Variants in SIRPA observed in about 807,000 individuals in gnomAD.
SIRPA encodes tyrosine-protein phosphatase non-receptor type substrate 1.
SIRPA carries 9 observed loss-of-function variants against 50.3 expected under a neutral mutation model. The ratio of observed to expected loss-of-function variants is 0.18; its 90% confidence interval spans 0.11 to 0.31. The LOEUF (loss-of-function observed/expected upper bound fraction) is 0.31, where lower values mean the gene tolerates loss of function less well. SIRPA is among the 10% of genes least tolerant of loss of function. SIRPA has a pLI of 1.00. For synonymous variants in SIRPA, 265 were observed against 284.1 expected, an observed-to-expected ratio of 0.93 and a Z score of 0.68; for missense variants, 474 against 661.6, an observed-to-expected ratio of 0.72 and a Z score of 3.11.
At chr20:1,915,008 A>G in intron 1 of SIRPA, 91 bp from the exon 2 acceptor site, 1 of 1,049,692 alleles carries the variant, frequency 9.5e-7, no homozygotes, top group Non-Finnish European at 1.4e-6. Flanking sequence ...TCTGGTGTGC[A>G]TCCAGTCAAT....
intron 1 of SIRPA, among the ~76,000 whole-genome samples, chr20:1,909,706 C>T (rs1469784932): frequency 2.0e-5 from 3 of 152,084 alleles, no homozygotes; most frequent in East Asian, 1.9e-4. Context: ...TGCTTGAACC[C>T]GGGAGGTGGA....
intron 1 of SIRPA, among the ~76,000 whole-genome samples, chr20:1,912,204 C>T (rs981379768): frequency 4.6e-5 from 7 of 152,212 alleles, no homozygotes; most frequent in Non-Finnish European, 7.3e-5. Flanking sequence ...CCTCCGGCTG[C>T]ACCACAAGAA....
chr20:1,934,589 TTA>T lies in SIRPA; in HGVS notation c.1227-124_1227-123del. On this transcript the variant is annotated intron_variant, in intron 6 of 7. Coordinates refer to ENST00000358771, the MANE Select transcript of SIRPA (RefSeq NM_001040023.2). This position sits in a 1 kb window ranked among gnomAD's most constrained non-coding sequence, Gnocchi z 4.6. Reference sequence around the variant, plus strand: ...CATTTGATATGCAGTTGTATTTCTGTTATGAGTCCTTCGTTCATGTCCTCAAC... The same window carrying T: ...CATTTGATATGCAGTTGTATTTCTGTTGAGTCCTTCGTTCATGTCCTCAAC... 1.2e-6 allele frequency: 1 copy of T among 816,124 alleles called. No homozygotes were observed. The highest frequency in any genetic ancestry group is 2.0e-6 in the Non-Finnish European group (1 of 498,598). The allele number at this position is 816,124 out of a possible 1,614,324, so 50.6% of individuals were successfully genotyped here.
At chr20:1,904,036 G>A (rs1302212980) in intron 1 of SIRPA, among the ~76,000 whole-genome samples, 1 of 152,098 alleles carries the variant, frequency 6.6e-6, no homozygotes, top group Non-Finnish European at 1.5e-5. Context: ...GAACAAGGTG[G>A]GTACTAAAAT....
intron 7 of SIRPA, among the ~76,000 whole-genome samples, chr20:1,935,849 T>C (rs184401546): frequency 1.3e-5 from 2 of 151,790 alleles, no homozygotes; most frequent in Non-Finnish European, 2.9e-5. Flanking sequence ...AGGGAGGGAG[T>C]TGCACGCTGT....
At position 1,936,778 on chromosome 20, in the gene SIRPA, C is replaced by G. The variant is rs1568516455; in HGVS notation, c.1267-542C>G. ...CCACACGTACCACCATCAGCAGCACCTCCTCAGGCCCCCAAACAGACATGG... is the reference window on the plus strand; with the variant it reads ...CCACACGTACCACCATCAGCAGCACGTCCTCAGGCCCCCAAACAGACATGG... On this transcript the variant is annotated intron_variant, in intron 7 of 7. Transcript: ENST00000358771. The surrounding 1 kb of genome is among the most constrained non-coding windows in gnomAD (Gnocchi z 4.2). Among the ~76,000 whole-genome samples the G allele has an allele frequency of 6.6e-6, 1 of 152,216 alleles. No homozygotes were observed.
rs760804168 is a variant in SIRPA, at chr20:1,922,611, C to T, written c.1053C>T (p.Ala351=). ...VSKSHDLKVS[A]HPKEQGSNTA... is the part of the protein sequence containing the mutation. ...AAAGCCATGACCTGAAGGTCTCAGC[C>T]CACCCGAAGGAGCAGGGCTCAAATA... The change falls in exon 4 of 8, where the codon GCC becomes GCT. Residue 351 remains alanine, a synonymous_variant. Transcript: ENST00000358771. 10 of 1,613,452 alleles carry T rather than the reference C, an allele frequency of 6.2e-6. No homozygotes were observed. The highest frequency in any genetic ancestry group is 1.6e-4 in the Middle Eastern group (1 of 6,076).
At chr20:1,917,651 C>G (rs904308222) in intron 2 of SIRPA, among the ~76,000 whole-genome samples, 4 of 152,204 alleles carry the variant, frequency 2.6e-5, no homozygotes, top group Admixed American at 6.5e-5. Flanking sequence ...CAGGTCTCAG[C>G]ACATCACTGA....
At chr20:1,931,740 G>T (rs556164127) in intron 6 of SIRPA, among the ~76,000 whole-genome samples, 1 of 152,264 alleles carries the variant, frequency 6.6e-6, no homozygotes, top group African/African-American at 2.4e-5. Context: ...CAGGGCTGGT[G>T]GAGGGATTGG....
chr20:1,899,512 G>A (rs1282841137), intron 1 of SIRPA, among the ~76,000 whole-genome samples: 1 of 152,208 alleles, frequency 6.6e-6, no homozygotes, highest in Non-Finnish European at 1.5e-5. Flanking sequence ...TCTCCGTTTG[G>A]TAAACGGTTT....
intron 1 of SIRPA, among the ~76,000 whole-genome samples, chr20:1,913,191 A>AAGC (rs1985008999): frequency 6.6e-6 from 1 of 152,188 alleles, no homozygotes; most frequent in Non-Finnish European, 1.5e-5. Flanking sequence ...TTTACACCCA[A>AAGC]AGCAGGTGGA....
rs942717267 is a variant in SIRPA, at chr20:1,898,363, G to A, written c.79+2837G>A. On this transcript the variant is annotated intron_variant, in intron 1 of 7. Transcript: ENST00000358771. This position sits in a 1 kb window ranked among gnomAD's most constrained non-coding sequence, Gnocchi z 4.3. Reference sequence around the variant, plus strand: ...ACTTTCTGGCCTTTACCAACCCCTCGGAAACTCACGGTAATTCACGTCTGT... The same window carrying A: ...ACTTTCTGGCCTTTACCAACCCCTCAGAAACTCACGGTAATTCACGTCTGT... 3.9e-5 allele frequency among the ~76,000 whole-genome samples: 6 copies of A among 152,170 alleles called. No individual in the cohort carries two copies. The highest frequency in any genetic ancestry group is 5.9e-5 in the Non-Finnish European group (4 of 68,042).
At chr20:1,904,511 G>T (rs1984431757) in intron 1 of SIRPA, among the ~76,000 whole-genome samples, 1 of 152,166 alleles carries the variant, frequency 6.6e-6, no homozygotes, top group African/African-American at 2.4e-5. Flanking sequence ...CCAAATGGTT[G>T]TACCTCCCAA....
Position 1,928,046 on chromosome 20 carries a change from C to T in SIRPA, c.1226+147C>T, listed in dbSNP as rs1986093093. ...TTCTCTCCTTTGTAACCTCCTCACACTGGGTCACGCTGTTTTTAATTATTG... is the reference window on the plus strand; with the variant it reads ...TTCTCTCCTTTGTAACCTCCTCACATTGGGTCACGCTGTTTTTAATTATTG... On this transcript the variant is annotated intron_variant, in intron 6 of 7. Coordinates refer to ENST00000358771, the MANE Select transcript of SIRPA (RefSeq NM_001040023.2). The surrounding 1 kb of genome is among the most constrained non-coding windows in gnomAD (Gnocchi z 4.9). 2 of 751,378 alleles carry T rather than the reference C, an allele frequency of 2.7e-6. No individual in the cohort carries two copies. Among genetic ancestry groups the T allele is most frequent in the East Asian group, 2.5e-5 (1 of 40,212 alleles). The allele number at this position is 751,378 out of a possible 1,614,324, so 46.5% of individuals were successfully genotyped here.
Position 1,927,919 on chromosome 20 carries a change from A to G in SIRPA, c.1226+20A>G, listed in dbSNP as rs758368821. 17 of 1,609,908 alleles carry G rather than the reference A, an allele frequency of 1.1e-5. No homozygotes were observed. Among genetic ancestry groups the G allele is most frequent in the South Asian group, 4.4e-5 (4 of 91,006 alleles). On this transcript the variant is annotated intron_variant, in intron 6 of 7. Coordinates refer to ENST00000358771, the MANE Select transcript of SIRPA (RefSeq NM_001040023.2). The surrounding 1 kb of genome is among the most constrained non-coding windows in gnomAD (Gnocchi z 6.5). ...TACAAGGTAAGTGCATCATTGGTCC[A>G]GACCCTCTTGCAGTTATTATTTGGT...
Position 1,898,042 on chromosome 20 carries a change from G to GGTCTCA in SIRPA, c.79+2516_79+2517insGTCTCA, listed in dbSNP as rs1983931541. Among the ~76,000 whole-genome samples, 1 of 152,196 alleles carries GGTCTCA rather than the reference G, an allele frequency of 6.6e-6. No homozygotes were observed. Among genetic ancestry groups the GGTCTCA allele is most frequent in the Non-Finnish European group, 1.5e-5 (1 of 68,020 alleles). ...GCCTGCTTGGCCCCAGGTAGGCCTT[G>GGTCTCA]AGACCTCTGAGTCACCCCCCAGGCC... On this transcript the variant is annotated intron_variant, in intron 1 of 7. Coordinates refer to ENST00000358771, the MANE Select transcript of SIRPA (RefSeq NM_001040023.2). This position sits in a 1 kb window ranked among gnomAD's most constrained non-coding sequence, Gnocchi z 4.3.
At chr20:1,895,638 C>T (rs1035829385) in intron 1 of SIRPA, 112 bp downstream of exon 1, 16 of 790,290 alleles carry the variant, frequency 2.0e-5, no homozygotes, top group Admixed American at 4.3e-5. Flanking sequence ...GGGGGAGAGA[C>T]GCCTGTAACC....
At position 1,895,534 on chromosome 20, in the gene SIRPA, C is replaced by G; in HGVS notation, c.79+8C>G. 3 of 1,430,464 alleles carry G rather than the reference C, an allele frequency of 2.1e-6. No homozygotes were observed. The highest frequency in any genetic ancestry group is 2.7e-6 in the Non-Finnish European group (3 of 1,091,920). 88.6% of individuals were successfully genotyped at this position (1,430,464 alleles called of 1,614,324 possible). On this transcript the variant is annotated splice_region_variant and intron_variant, in intron 1 of 7. Coordinates refer to ENST00000358771, the MANE Select transcript of SIRPA (RefSeq NM_001040023.2). ...CGTCCTGCGCCTGGTCAGGTAAGCA[C>G]CCCCCCGCTCCCCACCGCTGCACTC...
At chr20:1,895,337 C>T (rs1167777420), upstream of SIRPA, 10 of 659,382 alleles carry the variant, frequency 1.5e-5, no homozygotes, top group Non-Finnish European at 1.7e-5. Flanking sequence ...GGGGGAGGCC[C>T]AGCCGGGAGG....
Sources: allele counts gnomAD v4.1 joint callset (sites outside exome capture counted in the v4.1 genomes callset), GRCh38; gene constraint gnomAD v4.1.1; non-coding constraint Gnocchi (gnomAD v3.1); transcripts MANE v1.5; gene names NCBI Gene and HGNC (gene_info 2026-07-23, HGNC 2026-07-21).